TMEM184B: variants seen among roughly 807,000 people sequenced by gnomAD.
TMEM184B encodes putative MAPK-activating protein FM08.
A neutral mutation model predicts 41.8 loss-of-function variants in TMEM184B; 17 were observed. The ratio of observed to expected loss-of-function variants is 0.41; its 90% CI spans 0.28 to 0.61. TMEM184B has a LOEUF of 0.61. Ranked by LOEUF, TMEM184B falls within the 20% of genes least tolerant of loss-of-function variation. TMEM184B has a pLI of 0.34. For synonymous variants in TMEM184B, 240 were observed against 229.5 expected, an observed-to-expected ratio of 1.05 and a Z score of -0.41; for missense variants, 393 against 557.8, an observed-to-expected ratio of 0.70 and a Z score of 2.98.
At chr22:38,235,293 G>C (rs1454717320) in intron 3 of TMEM184B, among the ~76,000 whole-genome samples, 1 of 152,168 alleles carries the variant, frequency 6.6e-6, no homozygotes. Flanking sequence ...AAGCCACAGG[G>C]GCCCCAGGCC....
At position 38,224,839 on chromosome 22, in the gene TMEM184B, G is replaced by A. The variant is rs199813645; in HGVS notation, c.928C>T (p.Leu310=). The A allele has an allele frequency of 6.0e-5, 97 of 1,613,596 alleles. No homozygotes were observed. Among genetic ancestry groups the A allele is most frequent in the Non-Finnish European group, 7.9e-5 (93 of 1,179,794 alleles). The change falls in exon 8 of 9, where the codon CTG becomes TTG. Residue 310 remains leucine (L), a synonymous_variant. Transcript: ENST00000361906. ...CVEMFFAALA[L]RHAFTYKVYA... ...ACCTTGTAGGTGAAGGCGTGCCGCAGGGCCAGGGCTGCAAAGAACATCTCC... is the reference window on the plus strand; with the variant it reads ...ACCTTGTAGGTGAAGGCGTGCCGCAAGGCCAGGGCTGCAAAGAACATCTCC...
Position 38,231,309 on chromosome 22 carries a change from G to A in TMEM184B, c.384C>T (p.Ser128=). The A allele has an allele frequency of 1.9e-6, 3 of 1,614,138 alleles. No individual in the cohort carries two copies. Among genetic ancestry groups the A allele is most frequent in the Non-Finnish European group, 2.5e-6 (3 of 1,180,020 alleles). ...YEALVIYNFL[S]LCYEYLGGES... is the part of the protein sequence containing the mutation. ...CTCCTCCTAGGTACTCATAGCACAG[G>A]CTCAGGAAATTATAGATGACCAAGG... is the stretch of plus-strand genomic sequence containing the variant. The change falls in exon 4 of 9, where the codon AGC becomes AGT. Residue 128 remains serine (S), a synonymous_variant. Transcript: ENST00000361906.
downstream of TMEM184B, among the ~76,000 whole-genome samples, chr22:38,218,220 A>G (rs950274745): frequency 6.6e-6 from 1 of 152,138 alleles, no homozygotes; most frequent in Non-Finnish European, 1.5e-5. Flanking sequence ...CTAGGCCTCA[A>G]ACTCACTAAT....
rs762589775 is a variant in TMEM184B, at chr22:38,224,801, C to G, written c.966G>C (p.Lys322Asn). The G allele has an allele frequency of 1.9e-6, 3 of 1,603,334 alleles. No individual in the cohort carries two copies. Among genetic ancestry groups the G allele is most frequent in the Admixed American group, 1.7e-5 (1 of 59,278 alleles). The change falls in exon 8 of 9, where the codon AAG (lysine) becomes AAC (asparagine). Residue 322 changes from lysine to asparagine, a missense_variant. By Grantham distance (94) the Lys-to-Asn change is moderately conservative. Coordinates refer to ENST00000361906, the MANE Select transcript of TMEM184B (RefSeq NM_012264.5). ...GGCTCATACCTTGTGCGTCCAGCCT[C>G]TTGTCAGCATAGACCTTGTAGGTGA... ...HAFTYKVYAD[K>N]RLDAQGRCAP...
At chr22:38,255,174 T>C (rs1200240859) in intron 1 of TMEM184B, among the ~76,000 whole-genome samples, 5 of 152,104 alleles carry the variant, frequency 3.3e-5, no homozygotes, top group African/African-American at 1.2e-4. Flanking sequence ...TATAGGCGCG[T>C]GTCACCATGC....
intron 3 of TMEM184B, among the ~76,000 whole-genome samples, chr22:38,241,524 CAAA>C (rs35419850): frequency 1.1e-4 from 10 of 88,802 alleles, no homozygotes; most frequent in Admixed American, 3.4e-4. Context: ...CTCATCTCTA[CAAA>C]AAAAAAAAAA....
intron 1 of TMEM184B, chr22:38,272,530 G>A (rs754293325): frequency 1.2e-4 from 119 of 985,616 alleles, no homozygotes; most frequent in Non-Finnish European, 1.4e-4. Flanking sequence ...ACACCCACCC[G>A]GGAGCACACA....
chr22:38,256,354 C>T (rs2092278883), intron 1 of TMEM184B, among the ~76,000 whole-genome samples: 1 of 152,036 alleles, frequency 6.6e-6, no homozygotes, highest in Non-Finnish European at 1.5e-5. Flanking sequence ...GCTGGGATTA[C>T]AGGCACCCAC....
At position 38,226,951 on chromosome 22, in the gene TMEM184B, T is replaced by C. The variant is rs1048579708; in HGVS notation, c.526-81A>G. ...AAGCCCTGCCTCTGGCAGACGGAAC[T>C]GTACCGGATGGAGGGACAGAGAGGA... On this transcript the variant is annotated intron_variant, in intron 5 of 8. Coordinates refer to ENST00000361906, the MANE Select transcript of TMEM184B (RefSeq NM_012264.5). This position sits in a 1 kb window ranked among gnomAD's most constrained non-coding sequence, Gnocchi z 4.6. 2 of 1,386,358 alleles carry C rather than the reference T, an allele frequency of 1.4e-6. No individual in the cohort carries two copies. The highest frequency in any genetic ancestry group is 2.0e-6 in the Non-Finnish European group (2 of 1,001,060). 85.9% of individuals were successfully genotyped at this position (1,386,358 alleles called of 1,614,324 possible).
chr22:38,228,090 T>C (rs552841418), intron 5 of TMEM184B, among the ~76,000 whole-genome samples: 3 of 152,132 alleles, frequency 2.0e-5, no homozygotes, highest in Non-Finnish European at 4.4e-5. Context: ...TGAGTGGGTC[T>C]TGCAGGGGAG....
intron 1 of TMEM184B, among the ~76,000 whole-genome samples, chr22:38,267,761 AGCTT>A (rs2092464814): frequency 6.6e-6 from 1 of 152,118 alleles, no homozygotes; most frequent in Non-Finnish European, 1.5e-5. Context: ...GAATAATTAT[AGCTT>A]TATCCTGAGT....
intron 2 of TMEM184B, among the ~76,000 whole-genome samples, chr22:38,247,272 C>T (rs540009786): frequency 1.4e-4 from 22 of 152,318 alleles, no homozygotes; most frequent in Admixed American, 1.1e-3. Flanking sequence ...AGGCTGGACA[C>T]GAGACTAGTT....
rs2091499928 is a variant in TMEM184B, at chr22:38,228,155, C to T, written c.526-1285G>A. ...ATACGGAGAGGCCCGCGTGATGGGG[C>T]AGACGTGCAGTCCCACTCTCAGAAA... On this transcript the variant is annotated intron_variant, in intron 5 of 8. Coordinates refer to ENST00000361906, the MANE Select transcript of TMEM184B (RefSeq NM_012264.5). Among the ~76,000 whole-genome samples, 3 of 152,196 alleles carry T rather than the reference C, an allele frequency of 2.0e-5. No homozygotes were observed. In the South Asian group the frequency reaches 6.2e-4, roughly 31 times the overall value.
chr22:38,266,500 C>T (rs1035446769), intron 1 of TMEM184B, among the ~76,000 whole-genome samples: 3 of 152,210 alleles, frequency 2.0e-5, no homozygotes, highest in South Asian at 2.1e-4. Flanking sequence ...ACTGCTGCAA[C>T]GGTGCCGTCC....
chr22:38,268,979 A>T (rs1051793914), intron 1 of TMEM184B, among the ~76,000 whole-genome samples: 1 of 152,260 alleles, frequency 6.6e-6, no homozygotes, highest in African/African-American at 2.4e-5. Flanking sequence ...TCCATCAGAC[A>T]TTGGTCAGGC....
At chr22:38,267,663 GCT>G (rs1013239461) in intron 1 of TMEM184B, among the ~76,000 whole-genome samples, 17 of 151,956 alleles carry the variant, frequency 1.1e-4, no homozygotes, top group Non-Finnish European at 2.2e-4. Context: ...CAATTCCTGA[GCT>G]CAAGTGATCT....
Position 38,224,796 on chromosome 22 carries a change from A to G in TMEM184B, c.971T>C (p.Leu324Pro). 1.2e-6 allele frequency: 2 copies of G among 1,600,208 alleles called. No individual in the cohort carries two copies. Among genetic ancestry groups the G allele is most frequent in the Non-Finnish European group, 1.7e-6 (2 of 1,170,488 alleles). ...ACCCTGGCTCATACCTTGTGCGTCC[A>G]GCCTCTTGTCAGCATAGACCTTGTA... ...FTYKVYADKR[L>P]DAQGRCAPMK... is the part of the protein sequence containing the mutation. The change falls in exon 8 of 9, where the codon CTG becomes CCG. Residue 324 changes from leucine (L) to proline (P), a missense_variant. This residue lies in a region of TMEM184B where 271 missense variants were observed against 434.1 expected (regional missense o/e 0.62). Transcript: ENST00000361906.
intron 1 of TMEM184B, among the ~76,000 whole-genome samples, chr22:38,266,117 T>C (rs953560301): frequency 2.0e-5 from 3 of 152,118 alleles, no homozygotes; most frequent in African/African-American, 7.2e-5. Flanking sequence ...CTGCACCCCC[T>C]CTGTTGGGGA....
In TMEM184B at chr22:38,225,982, C is replaced by A. The variant is rs957765535; in HGVS notation, c.618-389G>T. 6.6e-6 allele frequency among the ~76,000 whole-genome samples: 1 copy of A among 152,056 alleles called. No homozygotes were observed. Among genetic ancestry groups the A allele is most frequent in the Admixed American group, 6.5e-5 (1 of 15,272 alleles). ...CACTCGGTCGGCTGCATCCCCCTGA[C>A]CTCCTTTTGCCCACCTGCCCTGGCA... On this transcript the variant is annotated intron_variant, in intron 6 of 8. Transcript: ENST00000361906. The surrounding 1 kb of genome is among the most constrained non-coding windows in gnomAD (Gnocchi z 4.4).
Sources: allele counts gnomAD v4.1 joint callset (sites outside exome capture counted in the v4.1 genomes callset), GRCh38; gene constraint gnomAD v4.1.1; regional missense constraint gnomAD v4.1.1; non-coding constraint Gnocchi (gnomAD v3.1); transcripts MANE v1.5; gene names NCBI Gene and HGNC (gene_info 2026-07-23, HGNC 2026-07-21).